Variants in CREB5 observed in about 807,000 individuals in gnomAD.
The protein encoded by CREB5 is cAMP responsive element binding protein 5, also known as cyclic AMP-responsive element-binding protein 5.
In CREB5, 19 loss-of-function variants were observed where a neutral mutation model predicts 57.1. The ratio of observed to expected loss-of-function variants is 0.33; its 90% CI spans 0.23 to 0.49. The LOEUF (loss-of-function observed/expected upper bound fraction) is 0.49. CREB5 is among the 20% of genes least tolerant of loss of function. The pLI is 0.99. For missense variants in CREB5, 579 were observed against 671.6 expected (o/e 0.86, Z 1.52); for synonymous variants, 238 against 238.3 (o/e 1.00, Z 0.01).
chr7:28,320,358 G>A (rs945295991), intron 1 of CREB5, among the ~76,000 whole-genome samples: 2 of 152,188 alleles, frequency 1.3e-5, no homozygotes, highest in Admixed American at 1.3e-4. Flanking sequence ...GAATCTAGGG[G>A]CCGTTCAATG....
chr7:28,328,165 G>T (rs1785643994), intron 1 of CREB5, among the ~76,000 whole-genome samples: 1 of 152,170 alleles, frequency 6.6e-6, no homozygotes, highest in Non-Finnish European at 1.5e-5. Flanking sequence ...CAGAAGAATG[G>T]ATGAGAACAA....
intron 1 of CREB5, among the ~76,000 whole-genome samples, chr7:28,330,466 A>G (rs549339465): frequency 7.8e-4 from 105 of 134,936 alleles, no homozygotes; most frequent in African/African-American, 2.9e-3. Context: ...CTCCCTAATG[A>G]TATCCCATAG....
intron 4 of CREB5, among the ~76,000 whole-genome samples, chr7:28,556,164 G>A (rs1002040303): frequency 6.6e-5 from 10 of 152,152 alleles, no homozygotes; most frequent in African/African-American, 4.8e-5. Context: ...AGTAATTTTG[G>A]CAGAAAGTAG....
chr7:28,474,848 G>A (rs1449810110), intron 1 of CREB5, among the ~76,000 whole-genome samples: 6 of 152,128 alleles, frequency 3.9e-5, no homozygotes, highest in Non-Finnish European at 7.4e-5. Context: ...ACTTAGTGGA[G>A]GATATAAATC....
At chr7:28,627,295 T>G (rs1486454003) in intron 5 of CREB5, among the ~76,000 whole-genome samples, 2 of 152,244 alleles carry the variant, frequency 1.3e-5, no homozygotes, top group Non-Finnish European at 2.9e-5. Flanking sequence ...TCAAGGCAAC[T>G]TGGGACCTTG....
intron 7 of CREB5, among the ~76,000 whole-genome samples, chr7:28,737,565 A>ACG (rs1804082715): frequency 9.1e-6 from 1 of 110,398 alleles, no homozygotes; most frequent in Non-Finnish European, 2.1e-5. Flanking sequence ...ATATATATAT[A>ACG]TATATATATA....
intron 1 of CREB5, among the ~76,000 whole-genome samples, chr7:28,432,824 A>C (rs1450506958): frequency 6.6e-6 from 1 of 152,258 alleles, no homozygotes; most frequent in Non-Finnish European, 1.5e-5. Flanking sequence ...ATAAAAAAGA[A>C]GAAGAAAATT....
At chr7:28,329,224 C>G (rs1785668256) in intron 1 of CREB5, among the ~76,000 whole-genome samples, 1 of 152,182 alleles carries the variant, frequency 6.6e-6, no homozygotes, top group East Asian at 1.9e-4. Flanking sequence ...GGAACCATGA[C>G]AATTGTCAAA....
At chr7:28,696,963 A>G (rs2128734453) in intron 5 of CREB5, among the ~76,000 whole-genome samples, 1 of 151,974 alleles carries the variant, frequency 6.6e-6, no homozygotes, top group Admixed American at 6.6e-5. Flanking sequence ...TGTTATACAC[A>G]CATATATATA....
At chr7:28,528,040 G>A (rs1793521704) in intron 4 of CREB5, among the ~76,000 whole-genome samples, 2 of 152,098 alleles carry the variant, frequency 1.3e-5, no homozygotes, top group Admixed American at 6.5e-5. Flanking sequence ...TTACATGTGC[G>A]GGTCCAGCAA....
chr7:28,496,335 A>G (rs1792044338), intron 3 of CREB5, among the ~76,000 whole-genome samples: 1 of 152,186 alleles, frequency 6.6e-6, no homozygotes, highest in African/African-American at 2.4e-5. Flanking sequence ...TAGTGTTTCT[A>G]TGTTACTTTA....
At chr7:28,427,977 A>T (rs1249899252) in intron 1 of CREB5, among the ~76,000 whole-genome samples, 1 of 152,196 alleles carries the variant, frequency 6.6e-6, no homozygotes, top group Non-Finnish European at 1.5e-5. Context: ...ATATAGTAGT[A>T]AGTGCTAAAA....
At chr7:28,506,822 T>C (rs994980192) in intron 3 of CREB5, among the ~76,000 whole-genome samples, 1 of 152,220 alleles carries the variant, frequency 6.6e-6, no homozygotes, top group East Asian at 1.9e-4. Context: ...TCAAGAATTG[T>C]ATGAAAATAC....
chr7:28,331,353 C>T (rs1281446320), intron 1 of CREB5, among the ~76,000 whole-genome samples: 6 of 152,104 alleles, frequency 3.9e-5, no homozygotes, highest in Admixed American at 2.6e-4. Flanking sequence ...TCCTCTCCAT[C>T]TCATGAAAAC....
At chr7:28,651,342 G>T (rs1300379084) in intron 5 of CREB5, among the ~76,000 whole-genome samples, 1 of 152,136 alleles carries the variant, frequency 6.6e-6, no homozygotes, top group Non-Finnish European at 1.5e-5. Context: ...TGGAGAGAAA[G>T]CATTTCCCAC....
chr7:28,363,000 TA>T (rs1463403158), intron 1 of CREB5, among the ~76,000 whole-genome samples: 6 of 152,172 alleles, frequency 3.9e-5, no homozygotes, highest in African/African-American at 1.2e-4. Context: ...TATCTAACAC[TA>T]GGGGGAGAAA....
At chr7:28,521,134 G>A (rs1004516680) in intron 4 of CREB5, among the ~76,000 whole-genome samples, 1 of 151,870 alleles carries the variant, frequency 6.6e-6, no homozygotes, top group Non-Finnish European at 1.5e-5. Flanking sequence ...CACAGTGCAT[G>A]TGTGTGTGTG....
intron 1 of CREB5, among the ~76,000 whole-genome samples, chr7:28,395,620 G>T (rs1450834030): frequency 6.6e-6 from 1 of 152,106 alleles, no homozygotes; most frequent in African/African-American, 2.4e-5. Context: ...TTTACATTGT[G>T]TACTACATGC....
intron 1 of CREB5, among the ~76,000 whole-genome samples, chr7:28,372,916 T>C (rs1226923339): frequency 6.6e-6 from 1 of 152,226 alleles, no homozygotes; most frequent in Non-Finnish European, 1.5e-5. Context: ...AGCTAGAATG[T>C]GTACGGCTTT....
Sources: allele counts gnomAD v4.1 joint callset (sites outside exome capture counted in the v4.1 genomes callset), GRCh38; gene constraint gnomAD v4.1.1; transcripts MANE v1.5; gene names NCBI Gene and HGNC (gene_info 2026-07-23, HGNC 2026-07-21).